The following SGCG variants were observed in gnomAD, a reference collection of about 807,000 sequenced individuals.
SGCG encodes the protein gamma-sarcoglycan.
A neutral mutation model predicts 29.3 loss-of-function variants in SGCG; 26 were observed. The observed-to-expected ratio is 0.89, with a 90% CI of 0.65 to 1.23. The LOEUF (loss-of-function observed/expected upper bound fraction) is 1.23, where lower values mean the gene tolerates loss of function less well. Ranked by LOEUF, SGCG falls within the 50% of genes most tolerant of loss-of-function variation. The probability of loss-of-function intolerance (pLI) is 0.00; values close to 1 mark genes in which losing one functional copy is unlikely to be tolerated. For synonymous variants in SGCG, 145 were observed against 129.7 expected (o/e 1.12, Z -0.80); for missense variants, 353 against 356.0 (o/e 0.99, Z 0.07).
At chr13:23,301,200 G>A (rs1882146390) in intron 6 of SGCG, among the ~76,000 whole-genome samples, 2 of 151,826 alleles carry the variant, frequency 1.3e-5, no homozygotes, top group Non-Finnish European at 2.9e-5. Flanking sequence ...ATGTCATAGA[G>A]CAAAGCAAAG....
chr13:23,285,220 CCCCCAGGTGCT>C (rs371945189), intron 5 of SGCG, among the ~76,000 whole-genome samples: 2 of 152,304 alleles, frequency 1.3e-5, no homozygotes, highest in African/African-American at 4.8e-5. Context: ...GCCGCCCCTT[CCCCCAGGTGCT>C]GTCCCAGGGA....
chr13:23,248,959 C>G (rs1459835747), intron 3 of SGCG, among the ~76,000 whole-genome samples: 21 of 148,894 alleles, frequency 1.4e-4, no homozygotes, highest in African/African-American at 4.7e-4. Context: ...CCAGTGCACT[C>G]CAGCCTGGGC....
rs544921202 is a variant in SGCG, at chr13:23,207,421, T to G, written c.195+3532T>G. Among the ~76,000 whole-genome samples, 13 of 152,218 alleles carry G rather than the reference T, an allele frequency of 8.5e-5. No individual in the cohort carries two copies. The East Asian group carries it at 2.5e-3, about 29-fold the overall frequency. ...GACATGGATCTTGGCAATGATTTCT[T>G]GAATATCAAAAGCACAGGCAACCAA... On this transcript the variant is annotated intron_variant, in intron 2 of 7. Transcript: ENST00000218867.
chr13:23,175,675 A>G, the SGCG span, among the ~76,000 whole-genome samples: 354 of 152,246 alleles, frequency 2.3e-3, no homozygotes, highest in Non-Finnish European at 4.1e-3. Flanking sequence ...TATTTATTAC[A>G]TATGAATTTC....
At chr13:23,268,333 AAAG>A (rs1476608535) in intron 4 of SGCG, 1 of 152,198 alleles carries the variant, frequency 6.6e-6, no homozygotes, top group Non-Finnish European at 1.5e-5. Flanking sequence ...CATTGTGACT[AAAG>A]AACCCCCCAG....
intron 6 of SGCG, among the ~76,000 whole-genome samples, chr13:23,309,600 T>C (rs1439290550): frequency 1.3e-5 from 2 of 152,222 alleles, no homozygotes; most frequent in Non-Finnish European, 2.9e-5. Context: ...CTTTGAGAAA[T>C]GCTTCTAAAT....
At chr13:23,171,684 C>T in the SGCG span, among the ~76,000 whole-genome samples, 1 of 152,172 alleles carries the variant, frequency 6.6e-6, no homozygotes, top group Admixed American at 6.5e-5. Flanking sequence ...CAGATAAGAT[C>T]ATCAGGCATT....
At chr13:23,278,290 A>G (rs1283810626) in intron 4 of SGCG, among the ~76,000 whole-genome samples, 1 of 152,046 alleles carries the variant, frequency 6.6e-6, no homozygotes, top group Non-Finnish European at 1.5e-5. Context: ...CTAAAAATAC[A>G]AAATTAGCCG....
At chr13:23,245,198 T>A (rs190195144) in intron 3 of SGCG, 5 of 152,336 alleles carry the variant, frequency 3.3e-5, no homozygotes, top group Admixed American at 6.5e-5. Context: ...CAATGCATTC[T>A]GCCAGCCCCT....
intron 2 of SGCG, among the ~76,000 whole-genome samples, chr13:23,207,835 C>G (rs963368434): frequency 6.6e-6 from 1 of 152,052 alleles, no homozygotes; most frequent in Admixed American, 6.6e-5. Context: ...TTGGAACCCT[C>G]GTGCACTGTT....
chr13:23,235,454 G>A (rs1879274184), intron 3 of SGCG, among the ~76,000 whole-genome samples: 1 of 151,976 alleles, frequency 6.6e-6, no homozygotes, highest in Non-Finnish European at 1.5e-5. Flanking sequence ...TTATGATCCT[G>A]TAAGATTCTG....
chr13:23,242,067 T>A (rs1416480546), intron 3 of SGCG, among the ~76,000 whole-genome samples: 1 of 152,186 alleles, frequency 6.6e-6, no homozygotes, highest in African/African-American at 2.4e-5. Context: ...GCACAAATTA[T>A]CAATATCAGT....
chr13:23,173,880 T>C, the SGCG span, among the ~76,000 whole-genome samples: 654 of 152,302 alleles, frequency 4.3e-3, 4 homozygotes, highest in African/African-American at 0.015. Context: ...TAAACAGTAA[T>C]ATATCTTACT....
chr13:23,304,382 G>A (rs1882284509), intron 6 of SGCG, among the ~76,000 whole-genome samples: 2 of 151,932 alleles, frequency 1.3e-5, no homozygotes, highest in African/African-American at 2.4e-5. Context: ...AAGGTGTGAG[G>A]TCTAATTCTA....
chr13:23,205,360 C>T (rs985593574), intron 2 of SGCG, among the ~76,000 whole-genome samples: 2 of 152,010 alleles, frequency 1.3e-5, no homozygotes, highest in Admixed American at 1.3e-4. Flanking sequence ...TGGGATTTGC[C>T]AGAGACAACT....
chr13:23,279,086 T>G (rs1881201555), intron 4 of SGCG, among the ~76,000 whole-genome samples: 1 of 152,206 alleles, frequency 6.6e-6, no homozygotes, highest in Admixed American at 6.5e-5. Flanking sequence ...GGGCAAGTAT[T>G]TAAAATCTTA....
chr13:23,283,856 T>C (rs759254551), intron 5 of SGCG, among the ~76,000 whole-genome samples: 78 of 152,208 alleles, frequency 5.1e-4, no homozygotes, highest in Admixed American at 1.0e-3. Context: ...CAGGATTTTA[T>C]TTCTCCTTTG....
At chr13:23,167,044 T>G in the SGCG span, among the ~76,000 whole-genome samples, 1 of 152,222 alleles carries the variant, frequency 6.6e-6, no homozygotes, top group Non-Finnish European at 1.5e-5. Context: ...CCCCTGCCCC[T>G]ACTTTCACTA....
At chr13:23,183,340 T>G (rs1876823868) in intron 1 of SGCG, among the ~76,000 whole-genome samples, 2 of 152,190 alleles carry the variant, frequency 1.3e-5, no homozygotes, top group South Asian at 4.1e-4. Context: ...TGACGGTAAC[T>G]GGTCAGGAAC....
Sources: gnomAD v4.1 joint callset for allele counts (sites outside exome capture counted in the v4.1 genomes callset) on GRCh38, gnomAD v4.1.1 for gene constraint, MANE v1.5 for transcripts, NCBI Gene and HGNC (gene_info 2026-07-23, HGNC 2026-07-21) for gene names.